Variants in CDC73 observed in about 807,000 individuals in gnomAD.
CDC73 encodes the protein cell division cycle 73, also known as parafibromin.
Under a neutral mutation model 83.7 loss-of-function variants are expected in CDC73, and 21 were observed. The ratio of observed to expected loss-of-function variants is 0.25; its 90% CI spans 0.18 to 0.36. CDC73 has a LOEUF of 0.36. Among genes scored for constraint, CDC73 ranks in the 10% least tolerant of loss-of-function variants. The probability of loss-of-function intolerance (pLI) is 1.00; values close to 1 mark genes in which losing one functional copy is unlikely to be tolerated. For synonymous variants in CDC73, 224 were observed against 212.9 expected, an observed-to-expected ratio of 1.05 and a Z score of -0.45; for missense variants, 342 against 653.3, an observed-to-expected ratio of 0.52 and a Z score of 5.19.
Position 193,252,885 on chromosome 1 carries a change from A to AGTGT in CDC73, c.*2174_*2177dup, listed in dbSNP as rs1262274604. 4 of 231,880 alleles carry AGTGT rather than the reference A, an allele frequency of 1.7e-5. No homozygotes were observed. Among genetic ancestry groups the AGTGT allele is most frequent in the Non-Finnish European group, 2.6e-5 (3 of 117,156 alleles). The allele number at this position is 231,880 out of a possible 1,614,324, so 14.4% of individuals were successfully genotyped here. ...ATGCATGAATGAATAATGTATTTTC[A>AGTGT]GTGTAACAAATTTATTATAAAAGTG... is the stretch of plus-strand genomic sequence containing the variant. On this transcript the variant is annotated 3_prime_UTR_variant, in exon 17 of 17. Coordinates refer to ENST00000367435, the MANE Select transcript of CDC73 (RefSeq NM_024529.5).
At chr1:193,150,242 GC>G (rs1676081659) in intron 8 of CDC73, 61 bp from the exon 9 acceptor site, 1 of 1,204,614 alleles carries the variant, frequency 8.3e-7, no homozygotes, top group African/African-American at 1.5e-5. Flanking sequence ...CTGCACTCCA[GC>G]ACATTAAATA....
At chr1:193,166,939 CT>C (rs1162597069) in intron 10 of CDC73, among the ~76,000 whole-genome samples, 3 of 152,076 alleles carry the variant, frequency 2.0e-5, no homozygotes, top group Admixed American at 2.0e-4. Flanking sequence ...AATGGAATTT[CT>C]TTTTGGGTGT....
intron 5 of CDC73, among the ~76,000 whole-genome samples, chr1:193,137,678 C>T (rs1675824603): frequency 1.3e-5 from 2 of 151,912 alleles, no homozygotes; most frequent in African/African-American, 2.4e-5. Context: ...GGATTCAGGA[C>T]CTGTAGCAAC....
intron 10 of CDC73, among the ~76,000 whole-genome samples, chr1:193,167,384 C>T (rs1343215363): frequency 1.3e-5 from 2 of 152,136 alleles, no homozygotes; most frequent in Non-Finnish European, 2.9e-5. Context: ...CTCGAATAAA[C>T]CATAACTGAG....
intron 6 of CDC73, among the ~76,000 whole-genome samples, chr1:193,139,448 G>A (rs1675863367): frequency 6.6e-6 from 1 of 151,872 alleles, no homozygotes; most frequent in Non-Finnish European, 1.5e-5. Flanking sequence ...TGCATGTTTT[G>A]CTCTTTTTTA....
chr1:193,234,205 A>T (rs1250416376), intron 14 of CDC73, among the ~76,000 whole-genome samples: 4 of 54,666 alleles, frequency 7.3e-5, no homozygotes, highest in Non-Finnish European at 1.7e-4. Flanking sequence ...ACACACACAC[A>T]CACACACACA....
intron 3 of CDC73, among the ~76,000 whole-genome samples, chr1:193,132,102 T>C (rs1157553065): frequency 6.6e-6 from 1 of 152,208 alleles, no homozygotes; most frequent in Non-Finnish European, 1.5e-5. Flanking sequence ...TACAAGTACA[T>C]TGATATAATA....
At chr1:193,137,161 A>T (rs760002576) in intron 5 of CDC73, among the ~76,000 whole-genome samples, 1 of 152,240 alleles carries the variant, frequency 6.6e-6, no homozygotes, top group African/African-American at 2.4e-5. Context: ...TTATCTTTAA[A>T]ATCAGTAGTA....
intron 10 of CDC73, among the ~76,000 whole-genome samples, chr1:193,194,403 A>T (rs1676967124): frequency 6.6e-6 from 1 of 152,154 alleles, no homozygotes; most frequent in Non-Finnish European, 1.5e-5. Flanking sequence ...CTTACAGATC[A>T]ACTTTTTTCA....
intron 3 of CDC73, among the ~76,000 whole-genome samples, chr1:193,132,402 A>T (rs1172124242): frequency 1.3e-5 from 2 of 152,232 alleles, no homozygotes; most frequent in East Asian, 3.8e-4. Context: ...CTGGATACAC[A>T]AAAGTTTAGA....
intron 12 of CDC73, 46 bp downstream of exon 12, chr1:193,212,146 G>C (rs1677290523): frequency 7.0e-7 from 1 of 1,436,866 alleles, no homozygotes; most frequent in Non-Finnish European, 9.6e-7. Flanking sequence ...AAAAGTAAAT[G>C]ATTGCAAAAC....
At chr1:193,223,314 A>C (rs1677505875) in intron 13 of CDC73, among the ~76,000 whole-genome samples, 1 of 152,070 alleles carries the variant, frequency 6.6e-6, no homozygotes, top group African/African-American at 2.4e-5. Flanking sequence ...TTTGATCTCC[A>C]AGTGAATATG....
intron 11 of CDC73, among the ~76,000 whole-genome samples, chr1:193,205,327 G>C (rs1241450305): frequency 1.3e-5 from 2 of 150,496 alleles, no homozygotes; most frequent in Non-Finnish European, 2.9e-5. Context: ...AGTATCAATA[G>C]TGCAGATTTG....
chr1:193,148,677 A>T (rs1165398487), intron 8 of CDC73, among the ~76,000 whole-genome samples: 82 of 115,332 alleles, frequency 7.1e-4, no homozygotes, highest in South Asian at 1.1e-3. Context: ...AGACAGTCTC[A>T]CTCTGTTGCC....
intron 10 of CDC73, among the ~76,000 whole-genome samples, chr1:193,163,357 A>G (rs1175300506): frequency 6.6e-6 from 1 of 151,998 alleles, no homozygotes; most frequent in Non-Finnish European, 1.5e-5. Context: ...ATATTCAAAA[A>G]TTAGCCGAGC....
chr1:193,231,067 G>A (rs1196642304), intron 13 of CDC73, among the ~76,000 whole-genome samples: 1 of 152,118 alleles, frequency 6.6e-6, no homozygotes, highest in African/African-American at 2.4e-5. Flanking sequence ...ACCTGCAAAA[G>A]TTGAAATAGG....
At chr1:193,131,451 C>T (rs150728357) in intron 3 of CDC73, among the ~76,000 whole-genome samples, 30 of 152,266 alleles carry the variant, frequency 2.0e-4, no homozygotes, top group African/African-American at 7.0e-4. Flanking sequence ...CCTCACAGGT[C>T]CCCACTCTTT....
intron 9 of CDC73, among the ~76,000 whole-genome samples, chr1:193,152,147 T>C (rs1676124930): frequency 6.6e-6 from 1 of 152,172 alleles, no homozygotes; most frequent in Admixed American, 6.5e-5. Context: ...CTTAACCAGC[T>C]TCTATACAAT....
At chr1:193,206,323 G>A (rs937383481) in intron 11 of CDC73, among the ~76,000 whole-genome samples, 1 of 152,126 alleles carries the variant, frequency 6.6e-6, no homozygotes, top group African/African-American at 2.4e-5. Context: ...ATATTCTAAT[G>A]CTCATCCATG....
Sources: gnomAD v4.1 joint callset for allele counts (sites outside exome capture counted in the v4.1 genomes callset) on GRCh38, gnomAD v4.1.1 for gene constraint, MANE v1.5 for transcripts, NCBI Gene and HGNC (gene_info 2026-07-23, HGNC 2026-07-21) for gene names.